Variants in ARHGAP21 observed in about 807,000 individuals in gnomAD.
ARHGAP21 encodes rho GTPase-activating protein 21.
A neutral mutation model predicts 164.6 loss-of-function variants in ARHGAP21; 38 were observed. That is an observed-to-expected ratio of 0.23 (90% CI 0.18 to 0.30). The LOEUF (loss-of-function observed/expected upper bound fraction) is 0.30. Ranked by LOEUF, ARHGAP21 falls within the 10% of genes least tolerant of loss-of-function variation. The probability of loss-of-function intolerance (pLI) is 1.00; values close to 1 mark genes in which losing one functional copy is unlikely to be tolerated. For synonymous variants in ARHGAP21, 766 were observed against 857.9 expected, an observed-to-expected ratio of 0.89 and a Z score of 1.87; for missense variants, 1,822 against 2,370.7, an observed-to-expected ratio of 0.77 and a Z score of 4.81.
chr10:24,606,694 T>C (rs1215361394), intron 11 of ARHGAP21, among the ~76,000 whole-genome samples: 1 of 152,056 alleles, frequency 6.6e-6, no homozygotes, highest in Non-Finnish European at 1.5e-5. Context: ...TCTACTAAGA[T>C]ACAAACTTAG....
chr10:24,640,034 G>A (rs1271758739), intron 4 of ARHGAP21: 1 of 151,998 alleles, frequency 6.6e-6, no homozygotes, highest in African/African-American at 2.4e-5. Context: ...GATCATGATA[G>A]TAAGAAAATC....
chr10:24,658,504 A>G (rs1368504317), intron 4 of ARHGAP21, among the ~76,000 whole-genome samples: 1 of 152,232 alleles, frequency 6.6e-6, no homozygotes, highest in African/African-American at 2.4e-5. Context: ...CAGCCATAAA[A>G]AAGGATGAGT....
chr10:24,656,037 G>A (rs1838824390), intron 4 of ARHGAP21, among the ~76,000 whole-genome samples: 1 of 147,788 alleles, frequency 6.8e-6, no homozygotes, highest in Non-Finnish European at 1.5e-5. Flanking sequence ...CGTCTGAGAA[G>A]TGAGGAGCCC....
chr10:24,669,373 T>TAG (rs1454537648), intron 3 of ARHGAP21, among the ~76,000 whole-genome samples: 1 of 152,182 alleles, frequency 6.6e-6, no homozygotes, highest in African/African-American at 2.4e-5. Flanking sequence ...TGTAATACTC[T>TAG]AGTTCAATTC....
chr10:24,707,383 CCT>C (rs1426972323), intron 2 of ARHGAP21, among the ~76,000 whole-genome samples: 1 of 152,158 alleles, frequency 6.6e-6, no homozygotes, highest in Non-Finnish European at 1.5e-5. Flanking sequence ...GATGATCACC[CCT>C]TTCTGTCTAA....
At chr10:24,615,764 T>C (rs1421339129) in intron 9 of ARHGAP21, among the ~76,000 whole-genome samples, 1 of 117,624 alleles carries the variant, frequency 8.5e-6, no homozygotes, top group Non-Finnish European at 2.0e-5. Context: ...TAAGTTTTTG[T>C]TATTTTATTA....
chr10:24,627,771 T>C (rs1310568683), intron 7 of ARHGAP21, among the ~76,000 whole-genome samples: 1 of 152,234 alleles, frequency 6.6e-6, no homozygotes, highest in East Asian at 1.9e-4. Flanking sequence ...TGACCTCTTT[T>C]TCCATTAATC....
intron 4 of ARHGAP21, among the ~76,000 whole-genome samples, chr10:24,655,826 C>T (rs867811077): frequency 3.0e-5 from 4 of 135,384 alleles, no homozygotes; most frequent in Non-Finnish European, 6.3e-5. Context: ...TCTGCCCGGC[C>T]GCCCATCGTC....
chr10:24,603,002 C>T (rs2076877110), intron 12 of ARHGAP21, among the ~76,000 whole-genome samples: 1 of 152,136 alleles, frequency 6.6e-6, no homozygotes, highest in Admixed American at 6.5e-5. Context: ...GCGGTCTAAT[C>T]ATCACGTAAA....
intron 2 of ARHGAP21, among the ~76,000 whole-genome samples, chr10:24,673,738 T>C (rs1840938319): frequency 6.6e-6 from 1 of 152,102 alleles, no homozygotes; most frequent in Non-Finnish European, 1.5e-5. Flanking sequence ...GGCACACACC[T>C]ATAATCCCCA....
chr10:24,645,455 G>C (rs1837465322), intron 4 of ARHGAP21, among the ~76,000 whole-genome samples: 1 of 151,988 alleles, frequency 6.6e-6, no homozygotes. Context: ...GTGGTGATGA[G>C]CGCCTGTAGT....
At chr10:24,591,104 T>C (rs2076310256) in intron 24 of ARHGAP21, 121 bp downstream of exon 24, 3 of 1,031,784 alleles carry the variant, frequency 2.9e-6, no homozygotes, top group South Asian at 1.7e-5. Flanking sequence ...TTTTTATTAG[T>C]AGAAAGGAAG....
chr10:24,674,905 C>T (rs1022289456), intron 2 of ARHGAP21, among the ~76,000 whole-genome samples: 2 of 152,136 alleles, frequency 1.3e-5, no homozygotes, highest in Non-Finnish European at 2.9e-5. Context: ...CCACTGCACA[C>T]ATAATAGATG....
intron 4 of ARHGAP21, among the ~76,000 whole-genome samples, chr10:24,658,684 G>A (rs541362510): frequency 6.6e-6 from 1 of 152,112 alleles, no homozygotes; most frequent in Non-Finnish European, 1.5e-5. Flanking sequence ...GTTGTGGGGT[G>A]GGGGGAGAGA....
At chr10:24,638,937 C>T (rs568453781) in intron 4 of ARHGAP21, among the ~76,000 whole-genome samples, 30 of 152,100 alleles carry the variant, frequency 2.0e-4, no homozygotes, top group Admixed American at 8.5e-4. Context: ...AACTTGAACA[C>T]TACACTTGAA....
At chr10:24,592,131 TAAAA>T (rs1592934430) in intron 21 of ARHGAP21, 119 bp from the exon 22 acceptor site, 1 of 881,288 alleles carries the variant, frequency 1.1e-6, no homozygotes, top group East Asian at 3.0e-5. Flanking sequence ...TGATGTAGAT[TAAAA>T]AAATAATGCT....
At position 24,595,757 on chromosome 10, in the gene ARHGAP21, T is replaced by C. The variant is rs763725951; in HGVS notation, c.3672A>G (p.Lys1224=). The C allele has an allele frequency of 1.2e-6, 2 of 1,613,610 alleles. No individual in the cohort carries two copies. Among genetic ancestry groups the C allele is most frequent in the Admixed American group, 3.3e-5 (2 of 59,996 alleles). The change falls in exon 19 of 26, where the codon AAA becomes AAG. Residue 1224 remains lysine (K), a synonymous_variant. Coordinates refer to ENST00000396432, the MANE Select transcript of ARHGAP21 (RefSeq NM_020824.4). The part of the protein sequence containing the change: ...RDLNVISSLL[K]SFFRKLPEPL... Reference sequence around the variant, plus strand: ...GCTCAGGGAGTTTTCTGAAGAAGGATTTTAGTAAACTGCTTATCACATTCA... The same window carrying C: ...GCTCAGGGAGTTTTCTGAAGAAGGACTTTAGTAAACTGCTTATCACATTCA...
rs778290976 is a variant in ARHGAP21 at position 24,619,703 on chromosome 10, T to C, written c.2192A>G (p.Asn731Ser). Residue 731 changes from asparagine (N) to serine (S), a missense_variant, in exon 9 of 26, where the codon AAT becomes AGT. This residue lies in a region of ARHGAP21 where 1,090 missense variants were observed against 1,378.9 expected (regional missense o/e 0.79). Coordinates refer to ENST00000396432, the MANE Select transcript of ARHGAP21 (RefSeq NM_020824.4). ...TTCCCTTAGGATGACAGCTTCTTTATTATCTAAAGTATCTGATTGCTCAGT... is the reference window on the plus strand; with the variant it reads ...TTCCCTTAGGATGACAGCTTCTTTACTATCTAAAGTATCTGATTGCTCAGT... ...AETEQSDTLDNKEAVILREKP... is the reference protein window; with the variant it reads ...AETEQSDTLDSKEAVILREKP... 2 of 1,614,176 alleles carry C rather than the reference T, an allele frequency of 1.2e-6. No individual in the cohort carries two copies. The highest frequency in any genetic ancestry group is 3.3e-5 in the Admixed American group (2 of 60,014).
intron 4 of ARHGAP21, among the ~76,000 whole-genome samples, chr10:24,637,379 A>C (rs1377216043): frequency 2.0e-5 from 3 of 152,208 alleles, no homozygotes; most frequent in African/African-American, 7.2e-5. Flanking sequence ...TAAAGAAAAA[A>C]CATCTATCTT....
Sources: allele counts gnomAD v4.1 joint callset (sites outside exome capture counted in the v4.1 genomes callset), GRCh38; gene constraint gnomAD v4.1.1; regional missense constraint gnomAD v4.1.1; transcripts MANE v1.5; gene names NCBI Gene and HGNC (gene_info 2026-07-23, HGNC 2026-07-21).